The following ATE1 variants were observed in gnomAD, a reference collection of about 807,000 sequenced individuals.
The protein encoded by ATE1 is arginyltransferase 1, also known as arginyl-tRNA--protein transferase 1.
ATE1 carries 36 observed loss-of-function variants against 70.5 expected under a neutral mutation model. The observed-to-expected ratio is 0.51, with a 90% confidence interval of 0.39 to 0.67. The LOEUF (loss-of-function observed/expected upper bound fraction) is 0.67. Among genes scored for constraint, ATE1 ranks in the 30% least tolerant of loss-of-function variants. The probability of loss-of-function intolerance (pLI) is 0.00; values close to 1 mark genes in which losing one functional copy is unlikely to be tolerated. For missense variants in ATE1, 593 were observed against 629.5 expected (o/e 0.94, Z 0.62); for synonymous variants, 232 against 219.3 (o/e 1.06, Z -0.51).
chr10:121,755,563 C>T (rs904832048), intron 11 of ATE1, among the ~76,000 whole-genome samples: 5 of 152,182 alleles, frequency 3.3e-5, no homozygotes, highest in African/African-American at 1.2e-4. Flanking sequence ...TAAAGACATA[C>T]CAAAGACTGG....
intron 11 of ATE1, among the ~76,000 whole-genome samples, chr10:121,745,491 C>T (rs984636299): frequency 6.6e-6 from 1 of 151,842 alleles, no homozygotes; most frequent in Non-Finnish European, 1.5e-5. Flanking sequence ...CCAAGGTGGG[C>T]AAATCACGAG....
At chr10:121,873,532 C>T (rs1949931755) in intron 7 of ATE1, among the ~76,000 whole-genome samples, 1 of 151,952 alleles carries the variant, frequency 6.6e-6, no homozygotes, top group Non-Finnish European at 1.5e-5. Context: ...AACCATTTTC[C>T]AAGTGCACAA....
At chr10:121,866,656 T>A (rs1280150990) in intron 8 of ATE1, among the ~76,000 whole-genome samples, 1 of 152,194 alleles carries the variant, frequency 6.6e-6, no homozygotes, top group African/African-American at 2.4e-5. Context: ...GAGACCAGCC[T>A]GGCCAACATG....
At chr10:121,846,870 G>C (rs1164009732) in intron 8 of ATE1, among the ~76,000 whole-genome samples, 2 of 151,936 alleles carry the variant, frequency 1.3e-5, no homozygotes, top group Non-Finnish European at 2.9e-5. Context: ...TATTTCCATA[G>C]AAACAGATAC....
At chr10:121,870,355 T>A (rs1949808367) in intron 7 of ATE1, among the ~76,000 whole-genome samples, 2 of 152,174 alleles carry the variant, frequency 1.3e-5, no homozygotes, top group South Asian at 4.1e-4. Context: ...AATAAAAACA[T>A]CTTTTAAGGA....
At position 121,899,137 on chromosome 10, in the gene ATE1, C is replaced by G. The variant is rs148902426; in HGVS notation, c.942+729G>C. ...GCAGACGGGTGCAGAGACCGAAGTGCTAACTGTACTAAAACTTATGAAAAT... is the reference window on the plus strand; with the variant it reads ...GCAGACGGGTGCAGAGACCGAAGTGGTAACTGTACTAAAACTTATGAAAAT... On this transcript the variant is annotated intron_variant, in intron 7 of 11. Transcript: ENST00000224652. 2.0e-5 allele frequency among the ~76,000 whole-genome samples: 3 copies of G among 152,266 alleles called. No individual in the cohort carries two copies. The East Asian group carries it at 5.8e-4, about 29-fold the overall frequency.
At chr10:121,919,056 A>C (rs554968510) in intron 3 of ATE1, among the ~76,000 whole-genome samples, 1 of 152,278 alleles carries the variant, frequency 6.6e-6, no homozygotes, top group African/African-American at 2.4e-5. Flanking sequence ...TGGACCAATC[A>C]GCAGGACATG....
Position 121,927,919 on chromosome 10 carries a change from C to T in ATE1, c.31G>A (p.Val11Ile), listed in dbSNP as rs1952169283. MAFWAGGSPS[V>I]VDYFPSEDFY... ...TCCTCGCTAGGGAAATAGTCCACGA[C>T]GCTGGGCGAACCCCCCGCCCAGAAA... The change falls in exon 1 of 12, where the codon GTC becomes ATC. Residue 11 changes from valine to isoleucine, a missense_variant. Coordinates refer to ENST00000224652, the MANE Select transcript of ATE1 (RefSeq NM_001001976.3). The T allele has an allele frequency of 6.3e-7, 1 of 1,583,132 alleles. No homozygotes were observed. Among genetic ancestry groups the T allele is most frequent in the South Asian group, 1.1e-5 (1 of 87,214 alleles).
chr10:121,886,465 G>A (rs1341733489), intron 7 of ATE1, among the ~76,000 whole-genome samples: 1 of 152,118 alleles, frequency 6.6e-6, no homozygotes, highest in African/African-American at 2.4e-5. Context: ...GAGTGTGGGT[G>A]TGTGCGTGAA....
intron 11 of ATE1, among the ~76,000 whole-genome samples, chr10:121,789,113 C>T (rs1311490509): frequency 6.6e-6 from 1 of 152,128 alleles, no homozygotes; most frequent in Non-Finnish European, 1.5e-5. Flanking sequence ...TAATAGGGGG[C>T]TGTTCTTAGC....
intron 8 of ATE1, among the ~76,000 whole-genome samples, chr10:121,859,251 TTTTA>T (rs1250504184): frequency 6.6e-6 from 1 of 150,444 alleles, no homozygotes; most frequent in Non-Finnish European, 1.5e-5. Context: ...TATTATTTTA[TTTTA>T]TTTTATTTTT....
chr10:121,910,626 C>G (rs946461093), intron 5 of ATE1, among the ~76,000 whole-genome samples: 2 of 151,406 alleles, frequency 1.3e-5, no homozygotes, highest in African/African-American at 4.8e-5. Context: ...AAATTTGATT[C>G]TCAACCCTGT....
chr10:121,904,192 C>T (rs1951096768), intron 5 of ATE1, among the ~76,000 whole-genome samples: 1 of 151,830 alleles, frequency 6.6e-6, no homozygotes, highest in Non-Finnish European at 1.5e-5. Flanking sequence ...CCATGCTGGT[C>T]AGGCTGGTCT....
intron 10 of ATE1, among the ~76,000 whole-genome samples, chr10:121,812,768 T>C (rs144441845): frequency 1.1e-4 from 17 of 152,322 alleles, no homozygotes; most frequent in Non-Finnish European, 2.1e-4. Context: ...TAGCTAAACA[T>C]GCAAGCAGCA....
At chr10:121,754,988 T>C (rs1564810229) in intron 11 of ATE1, among the ~76,000 whole-genome samples, 1 of 152,150 alleles carries the variant, frequency 6.6e-6, no homozygotes, top group Non-Finnish European at 1.5e-5. Flanking sequence ...AACTACAAAG[T>C]GACTGGACTC....
chr10:121,747,732 G>T (rs1944426996), intron 11 of ATE1, among the ~76,000 whole-genome samples: 1 of 152,164 alleles, frequency 6.6e-6, no homozygotes, highest in South Asian at 2.1e-4. Flanking sequence ...ATACACATAT[G>T]AATTTAAAAC....
At chr10:121,829,106 A>G (rs1221149008) in intron 10 of ATE1, among the ~76,000 whole-genome samples, 1 of 152,100 alleles carries the variant, frequency 6.6e-6, no homozygotes, top group Non-Finnish European at 1.5e-5. Flanking sequence ...GGTACCTAAC[A>G]GGCTGCTCCT....
chr10:121,873,264 A>T (rs1949923008), intron 7 of ATE1, among the ~76,000 whole-genome samples: 1 of 152,150 alleles, frequency 6.6e-6, no homozygotes, highest in South Asian at 2.1e-4. Context: ...AAAACTGAAG[A>T]ATTATGGTCT....
chr10:121,794,484 T>C (rs1350078415), intron 10 of ATE1, among the ~76,000 whole-genome samples: 2 of 151,664 alleles, frequency 1.3e-5, no homozygotes, highest in Admixed American at 6.6e-5. Context: ...TGCACACCTA[T>C]AGTCCCAGCT....
Sources: allele counts gnomAD v4.1 joint callset (sites outside exome capture counted in the v4.1 genomes callset), GRCh38; gene constraint gnomAD v4.1.1; transcripts MANE v1.5; gene names NCBI Gene and HGNC (gene_info 2026-07-23, HGNC 2026-07-21).